NR3C2: variants seen among roughly 807,000 people sequenced by gnomAD.
NR3C2 encodes nuclear receptor subfamily 3 group C member 2.
NR3C2 carries 15 observed loss-of-function variants against 86.4 expected under a neutral mutation model. The ratio of observed to expected loss-of-function variants is 0.17; its 90% confidence interval spans 0.12 to 0.27. NR3C2 has a LOEUF of 0.27. Ranked by LOEUF, NR3C2 falls within the 10% of genes least tolerant of loss-of-function variation. The pLI is 1.00. For missense variants in NR3C2, 960 were observed against 1,195.6 expected, an observed-to-expected ratio of 0.80 and a Z score of 2.91; for synonymous variants, 458 against 450.5, an observed-to-expected ratio of 1.02 and a Z score of -0.21.
At chr4:148,241,499 C>T (rs1739045508) in intron 3 of NR3C2, among the ~76,000 whole-genome samples, 1 of 151,926 alleles carries the variant, frequency 6.6e-6, no homozygotes, top group Non-Finnish European at 1.5e-5. Flanking sequence ...CTTCCTGCCC[C>T]AGGGCCTTTG....
At chr4:148,332,846 G>A (rs1455921092) in intron 2 of NR3C2, among the ~76,000 whole-genome samples, 2 of 152,102 alleles carry the variant, frequency 1.3e-5, no homozygotes, top group Non-Finnish European at 2.9e-5. Flanking sequence ...TCTTTTGGAG[G>A]GTGTGTTAGA....
intron 2 of NR3C2, among the ~76,000 whole-genome samples, chr4:148,400,647 T>C (rs1271057891): frequency 1.3e-5 from 2 of 151,736 alleles, no homozygotes; most frequent in Non-Finnish European, 2.9e-5. Context: ...GGCATTGGGA[T>C]GCATGCCTGT....
chr4:148,108,861 G>C (rs779938222), intron 8 of NR3C2, among the ~76,000 whole-genome samples: 4 of 152,174 alleles, frequency 2.6e-5, no homozygotes, highest in Non-Finnish European at 5.9e-5. Flanking sequence ...ATGTAACCCT[G>C]CACCTCACAG....
intron 2 of NR3C2, among the ~76,000 whole-genome samples, chr4:148,366,832 A>G (rs943574062): frequency 6.6e-6 from 1 of 152,198 alleles, no homozygotes; most frequent in Non-Finnish European, 1.5e-5. Context: ...TATCATAACA[A>G]TAACATGACC....
chr4:148,171,589 G>T (rs539271302), intron 4 of NR3C2, among the ~76,000 whole-genome samples: 4 of 152,316 alleles, frequency 2.6e-5, no homozygotes, highest in African/African-American at 9.6e-5. Context: ...GTTCACAATA[G>T]GGTTCGTGCT....
intron 4 of NR3C2, among the ~76,000 whole-genome samples, chr4:148,179,205 G>C (rs544039176): frequency 1.3e-5 from 2 of 151,446 alleles, no homozygotes; most frequent in Non-Finnish European, 3.0e-5. Flanking sequence ...GGTTGCTGGG[G>C]GTCCTGGCCC....
intron 3 of NR3C2, among the ~76,000 whole-genome samples, chr4:148,251,721 G>A (rs1739588702): frequency 6.6e-6 from 1 of 152,166 alleles, no homozygotes; most frequent in Non-Finnish European, 1.5e-5. Context: ...GATAGTAATG[G>A]TAATTTTTTT....
chr4:148,315,077 A>T (rs918589307), intron 2 of NR3C2, among the ~76,000 whole-genome samples: 1 of 152,220 alleles, frequency 6.6e-6, no homozygotes, highest in African/African-American at 2.4e-5. Context: ...TTCATTTTTT[A>T]AAAACAGCTT....
chr4:148,439,460 GT>G (rs1173112514), intron 1 of NR3C2, among the ~76,000 whole-genome samples: 1 of 151,978 alleles, frequency 6.6e-6, no homozygotes, highest in East Asian at 1.9e-4. Context: ...AGTTACTCTT[GT>G]CTCAACAGCT....
intron 2 of NR3C2, among the ~76,000 whole-genome samples, chr4:148,323,473 C>G (rs1205127645): frequency 6.9e-6 from 1 of 144,966 alleles, no homozygotes; most frequent in East Asian, 2.0e-4. Context: ...CGCCCCTCCC[C>G]CAGCCTGGCT....
At chr4:148,362,843 AG>A (rs1485958604) in intron 2 of NR3C2, among the ~76,000 whole-genome samples, 1 of 152,238 alleles carries the variant, frequency 6.6e-6, no homozygotes, top group East Asian at 1.9e-4. Flanking sequence ...TGACTTAAGC[AG>A]GGAATTGTAG....
At chr4:148,135,142 AG>A (rs1451413191) in intron 6 of NR3C2, among the ~76,000 whole-genome samples, 1 of 152,170 alleles carries the variant, frequency 6.6e-6, no homozygotes, top group African/African-American at 2.4e-5. Context: ...AACAAGGAAA[AG>A]GAACAGCAGT....
intron 3 of NR3C2, among the ~76,000 whole-genome samples, chr4:148,229,091 T>G (rs1738329655): frequency 6.6e-6 from 1 of 152,154 alleles, no homozygotes; most frequent in Non-Finnish European, 1.5e-5. Context: ...CTCCACAGCC[T>G]TTTGCTGAAA....
chr4:148,144,581 A>T (rs1251831561), intron 6 of NR3C2, among the ~76,000 whole-genome samples: 1 of 152,180 alleles, frequency 6.6e-6, no homozygotes, highest in Non-Finnish European at 1.5e-5. Flanking sequence ...GAAGTAGGGG[A>T]AAGGAGGGAA....
chr4:148,110,322 C>T (rs1158803644), intron 8 of NR3C2, among the ~76,000 whole-genome samples: 6 of 152,172 alleles, frequency 3.9e-5, no homozygotes, highest in East Asian at 3.9e-4. Context: ...CTGAGAGCGG[C>T]GTGGATGTGT....
intron 2 of NR3C2, among the ~76,000 whole-genome samples, chr4:148,376,923 T>A (rs1282702159): frequency 6.6e-6 from 1 of 152,192 alleles, no homozygotes; most frequent in Non-Finnish European, 1.5e-5. Flanking sequence ...AAAGTTATAC[T>A]TTTTTTGAAA....
At chr4:148,428,563 T>C (rs1255039856) in intron 2 of NR3C2, among the ~76,000 whole-genome samples, 2 of 152,216 alleles carry the variant, frequency 1.3e-5, no homozygotes, top group East Asian at 1.9e-4. Context: ...TGGATTTTAA[T>C]GGTTATATTC....
intron 2 of NR3C2, among the ~76,000 whole-genome samples, chr4:148,352,160 A>G (rs1395586483): frequency 6.6e-6 from 1 of 152,218 alleles, no homozygotes; most frequent in African/African-American, 2.4e-5. Context: ...CTGGGAGAAC[A>G]GTGTACTACC....
At chr4:148,301,388 A>G (rs1379012722) in intron 2 of NR3C2, among the ~76,000 whole-genome samples, 2 of 152,206 alleles carry the variant, frequency 1.3e-5, no homozygotes, top group Non-Finnish European at 2.9e-5. Context: ...TCCCATCAAA[A>G]TGTAAATTTT....
Sources: gnomAD v4.1 joint callset for allele counts (sites outside exome capture counted in the v4.1 genomes callset) on GRCh38, gnomAD v4.1.1 for gene constraint, MANE v1.5 for transcripts, NCBI Gene and HGNC (gene_info 2026-07-23, HGNC 2026-07-21) for gene names.